Variants in WBP1L observed in about 807,000 individuals in gnomAD.
WBP1L encodes WW domain binding protein 1-like.
In WBP1L, 17 loss-of-function variants were observed where a neutral mutation model predicts 33.7. The ratio of observed to expected loss-of-function variants is 0.50; its 90% CI spans 0.34 to 0.76. WBP1L has a LOEUF of 0.76. WBP1L is among the 30% of genes least tolerant of loss of function. WBP1L has a pLI of 0.01. For missense variants in WBP1L, 389 were observed against 469.4 expected (o/e 0.83, Z 1.58); for synonymous variants, 173 against 190.8 (o/e 0.91, Z 0.77).
At chr10:102,783,517 G>A (rs631839) in intron 1 of WBP1L, among the ~76,000 whole-genome samples, 80,497 of 152,006 alleles carry the variant, frequency 0.53, 22,595 homozygotes, top group Non-Finnish European at 0.63. Context: ...CGGGGTGGTG[G>A]CAGGGAGTCT....
At chr10:102,785,800 T>C (rs1430567194) in intron 1 of WBP1L, among the ~76,000 whole-genome samples, 2 of 152,226 alleles carry the variant, frequency 1.3e-5, no homozygotes, top group African/African-American at 4.8e-5. Context: ...TCAATGGACT[T>C]ACTCTGTAGC....
chr10:102,810,373 T>C (rs9794050), intron 3 of WBP1L, among the ~76,000 whole-genome samples: 1 of 116,232 alleles, frequency 8.6e-6, no homozygotes, highest in Non-Finnish European at 1.8e-5. Context: ...CTCCCTCCCT[T>C]CCTTCCTCCC....
chr10:102,776,482 A>C, intron 1 of WBP1L: 1 of 1,603,502 alleles, frequency 6.2e-7, no homozygotes, highest in Non-Finnish European at 8.5e-7. Flanking sequence ...TTATTGTACT[A>C]CTGCTTTGGG....
At chr10:102,787,356 G>A (rs1843429851) in intron 1 of WBP1L, among the ~76,000 whole-genome samples, 1 of 152,194 alleles carries the variant, frequency 6.6e-6, no homozygotes, top group Non-Finnish European at 1.5e-5. Context: ...TGGAGGCTGA[G>A]GCAGGAGAAT....
chr10:102,760,449 T>C (rs1843024253), intron 1 of WBP1L, among the ~76,000 whole-genome samples: 1 of 149,308 alleles, frequency 6.7e-6, no homozygotes, highest in Non-Finnish European at 1.5e-5. Context: ...CGATCTTGGC[T>C]CAACTCAACC....
intron 1 of WBP1L, among the ~76,000 whole-genome samples, chr10:102,782,755 G>A (rs1843356382): frequency 6.6e-6 from 1 of 152,130 alleles, no homozygotes; most frequent in Non-Finnish European, 1.5e-5. Flanking sequence ...ATAAAATCCT[G>A]TGAGGGGAGG....
intron 1 of WBP1L, among the ~76,000 whole-genome samples, chr10:102,769,356 C>CTTTTTTTTTTTTTTTTTT (rs376863934): frequency 7.4e-6 from 1 of 134,664 alleles, no homozygotes; most frequent in African/African-American, 2.6e-5. Context: ...TTTCTTTTTT[C>CTTTTTTTTTTTTTTTTTT]TTTCTTTTTT....
At position 102,813,286 on chromosome 10, in the gene WBP1L, C is replaced by T. The variant is rs374884605; in HGVS notation, c.1047C>T (p.Asn349=). The T allele has an allele frequency of 1.3e-4, 210 of 1,612,646 alleles. No individual in the cohort carries two copies. Among genetic ancestry groups the T allele is most frequent in the Non-Finnish European group, 1.6e-4 (186 of 1,179,826 alleles). Residue 349 remains asparagine, a synonymous_variant, in exon 4 of 4, where the codon AAC becomes AAT. Transcript: ENST00000448841. ...PPACLLLNTI[N]EQDSPNSQSS... The stretch of plus-strand genomic sequence containing the variant: ...CATGCCTGCTGCTGAACACCATCAA[C>T]GAGCAGGACTCTCCCAACTCCCAGA...
chr10:102,751,540 A>G lies in WBP1L; in HGVS notation c.90+7397A>G, dbSNP rs1044344692. Among the ~76,000 whole-genome samples the G allele has an allele frequency of 3.9e-5, 6 of 151,966 alleles. No homozygotes were observed. The South Asian group carries it at 6.2e-4, about 16-fold the overall frequency. On this transcript the variant is annotated intron_variant, in intron 1 of 3. Coordinates refer to ENST00000448841, the MANE Select transcript of WBP1L (RefSeq NM_001083913.2). ...CCAGGCTGGTCTTGAACTCCTGGGC[A>G]CAAGCGATCTGCTCGCCTTGGCCTC...
chr10:102,785,647 CAACT>C (rs1169173927), intron 1 of WBP1L, among the ~76,000 whole-genome samples: 1 of 152,156 alleles, frequency 6.6e-6, no homozygotes, highest in Non-Finnish European at 1.5e-5. Flanking sequence ...TTCATGGCAC[CAACT>C]GTGAGTGGAT....
chr10:102,776,216 G>C lies in WBP1L; in HGVS notation c.91-21777G>C. 2.0e-6 allele frequency: 3 copies of C among 1,508,544 alleles called. 1 individual carries two copies. The highest frequency in any genetic ancestry group is 1.3e-5 in the South Asian group (1 of 78,260). The allele number at this position is 1,508,544 out of a possible 1,614,324, so 93.4% of individuals were successfully genotyped here. On this transcript the variant is annotated intron_variant, in intron 1 of 3. Transcript: ENST00000448841. ...GCAGGGGGAGTAGCGAGGAGAGCAG[G>C]AGACAGTGTGCCTGCTCGGTCCCAG...
In WBP1L at chr10:102,814,828, A is replaced by T. The variant is rs1302812133; in HGVS notation, c.*1497A>T. The T allele has an allele frequency of 6.6e-6, 1 of 152,596 alleles. No homozygotes were observed. The highest frequency in any genetic ancestry group is 2.4e-5 in the African/African-American group (1 of 41,434). The allele number at this position is 152,596 out of a possible 1,614,324, so 9.5% of individuals were successfully genotyped here. A position where few individuals can be genotyped will look rare whatever the true frequency, so the allele number is the denominator to read the frequency against. Reference sequence around the variant, plus strand: ...TCTTTCTTCCCCCAACTCTTGAACGATGATGATATTCAGACGAAGCATTGA... The same window carrying T: ...TCTTTCTTCCCCCAACTCTTGAACGTTGATGATATTCAGACGAAGCATTGA... On this transcript the variant is annotated 3_prime_UTR_variant, in exon 4 of 4. Coordinates refer to ENST00000448841, the MANE Select transcript of WBP1L (RefSeq NM_001083913.2).
At chr10:102,779,245 G>A (rs1051776490) in intron 1 of WBP1L, among the ~76,000 whole-genome samples, 1 of 151,294 alleles carries the variant, frequency 6.6e-6, no homozygotes, top group Non-Finnish European at 1.5e-5. Context: ...GCAGTGAGCC[G>A]AGAGGCCCCA....
intron 1 of WBP1L, among the ~76,000 whole-genome samples, chr10:102,796,336 C>T (rs1465945156): frequency 6.6e-6 from 1 of 152,140 alleles, no homozygotes; most frequent in Non-Finnish European, 1.5e-5. Flanking sequence ...CAAGAAACAC[C>T]TAAAGATTTA....
At chr10:102,807,048 A>C (rs117370482) in intron 2 of WBP1L, among the ~76,000 whole-genome samples, 2,300 of 152,346 alleles carry the variant, frequency 0.015, 27 homozygotes, top group Middle Eastern at 0.051. Context: ...GACAAGAGAT[A>C]CATGTGGAAC....
intron 2 of WBP1L, among the ~76,000 whole-genome samples, chr10:102,809,330 G>A (rs1357766919): frequency 2.0e-5 from 3 of 151,548 alleles, no homozygotes; most frequent in Admixed American, 1.3e-4. Context: ...TGCACGCCTC[G>A]GCCTCCCAAA....
chr10:102,761,170 C>T (rs531974704), intron 1 of WBP1L, among the ~76,000 whole-genome samples: 2 of 140,718 alleles, frequency 1.4e-5, no homozygotes, highest in African/African-American at 2.6e-5. Flanking sequence ...GACGGAGTCT[C>T]ACTCTGCTGC....
chr10:102,794,117 C>T lies in WBP1L; in HGVS notation c.91-3876C>T, dbSNP rs1012250250. 6.1e-5 allele frequency among the ~76,000 whole-genome samples: 8 copies of T among 130,814 alleles called. No individual in the cohort carries two copies. In the East Asian group the frequency reaches 9.0e-4, roughly 15 times the overall value. 85.8% of individuals were successfully genotyped at this position (130,814 alleles called of 152,430 possible). A position where few individuals can be genotyped will look rare whatever the true frequency, so the allele number is the denominator to read the frequency against. On this transcript the variant is annotated intron_variant, in intron 1 of 3. Coordinates refer to ENST00000448841, the MANE Select transcript of WBP1L (RefSeq NM_001083913.2). ...AGGCTTTGTGTAGATCTTAAGCCAC[C>T]GGGAGGTGTTTGAGTCCTAGGTGTG...
At chr10:102,793,960 G>A (rs922971000) in intron 1 of WBP1L, among the ~76,000 whole-genome samples, 2 of 152,010 alleles carry the variant, frequency 1.3e-5, no homozygotes, top group Non-Finnish European at 2.9e-5. Context: ...TTTTGGTTGA[G>A]ATGGGGTTTT....
Sources: allele counts gnomAD v4.1 joint callset (sites outside exome capture counted in the v4.1 genomes callset), GRCh38; gene constraint gnomAD v4.1.1; transcripts MANE v1.5; gene names NCBI Gene and HGNC (gene_info 2026-07-23, HGNC 2026-07-21).